The following TMCO5A variants were observed in gnomAD, a reference collection of about 807,000 sequenced individuals.
TMCO5A encodes transmembrane and coiled-coil domains 5A.
In TMCO5A, 34 loss-of-function variants were observed where a neutral mutation model predicts 42.3. That is an observed-to-expected ratio of 0.80 (90% CI 0.61 to 1.07). TMCO5A has a LOEUF of 1.07. TMCO5A is among the 50% of genes least tolerant of loss of function. The pLI, the probability that TMCO5A is intolerant of heterozygous loss-of-function variation, is 0.00. For synonymous variants in TMCO5A, 131 were observed against 115.6 expected (o/e 1.13, Z -0.86); for missense variants, 357 against 327.9 (o/e 1.09, Z -0.69).
intron 6 of TMCO5A, among the ~76,000 whole-genome samples, chr15:37,939,067 G>A (rs578199612): frequency 6.6e-6 from 1 of 152,058 alleles, no homozygotes; most frequent in South Asian, 2.1e-4. Context: ...TGTTACATAG[G>A]TATACATGTG....
chr15:37,953,356 G>A (rs755458907), downstream of TMCO5A, among the ~76,000 whole-genome samples: 3 of 152,104 alleles, frequency 2.0e-5, no homozygotes, highest in African/African-American at 4.8e-5. Context: ...AGAGCTCCAG[G>A]TGACTCAGAA....
the TMCO5A span, among the ~76,000 whole-genome samples, chr15:38,000,581 C>G: frequency 3.3e-5 from 5 of 150,996 alleles, no homozygotes; most frequent in African/African-American, 1.2e-4. Flanking sequence ...CTTGTTTTTC[C>G]AGTTCTTTAA....
chr15:37,941,622 T>A, intron 7 of TMCO5A, 49 bp from the exon 8 acceptor site: 1 of 1,362,698 alleles, frequency 7.3e-7, no homozygotes, highest in South Asian at 1.2e-5. Flanking sequence ...GCTTGTGTTC[T>A]TATAGCAATT....
downstream of TMCO5A, among the ~76,000 whole-genome samples, chr15:37,972,438 C>A (rs1890692651): frequency 1.3e-5 from 2 of 152,182 alleles, no homozygotes; most frequent in Non-Finnish European, 2.9e-5. Context: ...GCAACTTTGT[C>A]AGCATTTGTT....
In TMCO5A at chr15:37,966,680, A is replaced by G. The variant is rs1407980956; in HGVS notation, c.*37A>G. 5.7e-6 allele frequency: 4 copies of G among 702,870 alleles called. No individual in the cohort carries two copies. The South Asian group carries it at 5.9e-5, about 10-fold the overall frequency. The allele number at this position is 702,870 out of a possible 1,614,324, so 43.5% of individuals were successfully genotyped here. On this transcript the variant is annotated 3_prime_UTR_variant, in exon 12 of 12. Transcript: ENST00000559502. ...CTGCCAACAATCCAGATCTCGTACTACCAGATTGGCAACCTTTGCAGAATA... is the reference window on the plus strand; with the variant it reads ...CTGCCAACAATCCAGATCTCGTACTGCCAGATTGGCAACCTTTGCAGAATA...
the TMCO5A span, among the ~76,000 whole-genome samples, chr15:37,977,951 A>C: frequency 6.6e-6 from 1 of 152,162 alleles, no homozygotes. Flanking sequence ...TCTTCTCCTT[A>C]TGGAGGCTGC....
At chr15:37,947,534 A>T in intron 10 of TMCO5A, 122 bp from the exon 11 acceptor site, 1 of 674,300 alleles carries the variant, frequency 1.5e-6, no homozygotes, top group East Asian at 2.8e-5. Context: ...GTGCTTATGC[A>T]TATAAAAAGA....
the TMCO5A span, among the ~76,000 whole-genome samples, chr15:38,013,490 G>A: frequency 6.6e-6 from 1 of 152,164 alleles, no homozygotes. Flanking sequence ...CTGAGAGACA[G>A]TAATTCAATA....
chr15:38,012,127 A>AAAAAAAAAAG, the TMCO5A span, among the ~76,000 whole-genome samples: 10 of 101,574 alleles, frequency 9.8e-5, no homozygotes, highest in Admixed American at 5.7e-4. Flanking sequence ...CCGTCTCAAA[A>AAAAAAAAAAG]AAAAAAGAAA....
At chr15:37,937,260 T>A in intron 4 of TMCO5A, 86 bp from the exon 5 acceptor site, 1 of 1,481,338 alleles carries the variant, frequency 6.8e-7, no homozygotes, top group African/African-American at 1.4e-5. Flanking sequence ...CAGGAAAATA[T>A]AGCTGGGGTG....
intron 10 of TMCO5A, 69 bp downstream of exon 10, chr15:37,943,467 A>G: frequency 6.7e-7 from 1 of 1,498,974 alleles, no homozygotes; most frequent in Non-Finnish European, 9.2e-7. Flanking sequence ...CCAGCAAACT[A>G]TAAGGCACCA....
At chr15:38,007,366 C>T in the TMCO5A span, among the ~76,000 whole-genome samples, 1 of 152,116 alleles carries the variant, frequency 6.6e-6, no homozygotes, top group Non-Finnish European at 1.5e-5. Flanking sequence ...GCTGTAGGCT[C>T]TTTTATGGGA....
Position 37,947,659 on chromosome 15 carries a change from A to T in TMCO5A, c.631A>T (p.Thr211Ser), listed in dbSNP as rs1262473076. 3 of 1,595,734 alleles carry T rather than the reference A, an allele frequency of 1.9e-6. No individual in the cohort carries two copies. Among genetic ancestry groups the T allele is most frequent in the Non-Finnish European group, 2.6e-6 (3 of 1,167,106 alleles). ...TCAATATCCTTTCTTCTTCCAGGGT[A>T]CTCCTACCCAAAAGACAGCAAGATT... The part of the protein sequence containing the change: ...KEHTSQNNEG[T>S]PTQKTARLFS... The change falls in exon 11 of 12, where the codon ACT (threonine) becomes TCT (serine). Residue 211 changes from threonine to serine, a missense_variant. Transcript: ENST00000319669.
downstream of TMCO5A, among the ~76,000 whole-genome samples, chr15:37,954,046 A>T (rs1890226785): frequency 6.6e-6 from 1 of 152,054 alleles, no homozygotes; most frequent in Non-Finnish European, 1.5e-5. Context: ...AAAATAAAAA[A>T]CAAAGCACAC....
chr15:37,958,366 T>C (rs1402476831), intron 11 of TMCO5A, among the ~76,000 whole-genome samples: 1 of 148,838 alleles, frequency 6.7e-6, no homozygotes, highest in Non-Finnish European at 1.5e-5. Flanking sequence ...ATATCCAGAA[T>C]CTACAAAGAA....
chr15:38,009,631 A>G, the TMCO5A span, among the ~76,000 whole-genome samples: 1 of 152,218 alleles, frequency 6.6e-6, no homozygotes, highest in East Asian at 1.9e-4. Flanking sequence ...TTTTCTAATT[A>G]GTTAGCTTAA....
the TMCO5A span, among the ~76,000 whole-genome samples, chr15:38,001,436 G>GTTTTTTT: frequency 1.6e-5 from 2 of 128,314 alleles, no homozygotes; most frequent in Non-Finnish European, 1.8e-5. Flanking sequence ...ATTGGATCTT[G>GTTTTTTT]TTTTTTTTTT....
chr15:37,957,896 T>C (rs1428371816), intron 11 of TMCO5A, among the ~76,000 whole-genome samples: 2 of 152,020 alleles, frequency 1.3e-5, no homozygotes, highest in Admixed American at 6.6e-5. Flanking sequence ...AACAGATATA[T>C]AGACTAATGG....
At chr15:37,972,340 C>T (rs1055186586), downstream of TMCO5A, among the ~76,000 whole-genome samples, 9 of 152,154 alleles carry the variant, frequency 5.9e-5, no homozygotes, top group African/African-American at 1.9e-4. Flanking sequence ...TCCCACAACC[C>T]GTGGGAATTC....
Sources: allele counts gnomAD v4.1 joint callset (sites outside exome capture counted in the v4.1 genomes callset), GRCh38; gene constraint gnomAD v4.1.1; transcripts MANE v1.5; gene names NCBI Gene and HGNC (gene_info 2026-07-23, HGNC 2026-07-21).